RALB: variants seen among roughly 807,000 people sequenced by gnomAD.
The protein encoded by RALB is ras-related protein Ral-B.
Under a neutral mutation model 21.3 loss-of-function variants are expected in RALB, and 16 were observed. That is an observed-to-expected ratio of 0.75 (90% CI 0.51 to 1.14). The LOEUF (loss-of-function observed/expected upper bound fraction) is 1.14, where lower values mean the gene tolerates loss of function less well. RALB is among the 50% of genes most tolerant of loss of function. The pLI is 0.00. For missense variants in RALB, 161 were observed against 256.2 expected (o/e 0.63, Z 2.54); for synonymous variants, 93 against 96.1 (o/e 0.97, Z 0.19).
At chr2:120,258,568 C>G (rs371227383) in intron 1 of RALB, among the ~76,000 whole-genome samples, 1 of 152,146 alleles carries the variant, frequency 6.6e-6, no homozygotes, top group South Asian at 2.1e-4. Context: ...TGTTAGAAGC[C>G]CCATTGGAAG....
At chr2:120,262,643 C>T (rs1689395195) in intron 1 of RALB, among the ~76,000 whole-genome samples, 2 of 152,132 alleles carry the variant, frequency 1.3e-5, no homozygotes, top group African/African-American at 4.8e-5. Flanking sequence ...GGGGAGGTGG[C>T]AGCTTCCTTG....
At chr2:120,292,854 C>T (rs1408701494) in intron 4 of RALB, among the ~76,000 whole-genome samples, 7 of 151,172 alleles carry the variant, frequency 4.6e-5, no homozygotes, top group African/African-American at 1.5e-4. Context: ...TTGGCTTGAG[C>T]AGTTGTGTGA....
chr2:120,293,085 A>G (rs1690345106), intron 4 of RALB, 56 bp from the exon 5 acceptor site: 1 of 1,515,720 alleles, frequency 6.6e-7, no homozygotes, highest in African/African-American at 1.4e-5. Context: ...AAAGAAAAAA[A>G]TCATTAAATG....
chr2:120,254,815 A>G (rs1264133768), intron 1 of RALB, among the ~76,000 whole-genome samples: 1 of 151,970 alleles, frequency 6.6e-6, no homozygotes, highest in Admixed American at 6.6e-5. Context: ...GTAGCTTGGT[A>G]CAGTCTTGCA....
chr2:120,278,439 T>C (rs891119500), intron 1 of RALB, among the ~76,000 whole-genome samples, 179 bp from the exon 2 acceptor site: 3 of 152,330 alleles, frequency 2.0e-5, no homozygotes, highest in African/African-American at 7.2e-5. Flanking sequence ...CCAGCTGTGC[T>C]GGGGTAAGTG....
At chr2:120,253,217 G>A (rs994228356) in intron 1 of RALB, 2 of 341,452 alleles carry the variant, frequency 5.9e-6, no homozygotes, top group African/African-American at 2.2e-5. Context: ...TGAGGAAGTG[G>A]GGGCGGCCTC....
intron 1 of RALB, among the ~76,000 whole-genome samples, chr2:120,241,735 C>A (rs1688898402): frequency 6.7e-6 from 1 of 149,844 alleles, no homozygotes; most frequent in Admixed American, 6.6e-5. Flanking sequence ...TCAAAAAAAA[C>A]AAAAAAACAA....
intron 1 of RALB, among the ~76,000 whole-genome samples, chr2:120,262,898 G>A (rs1269439133): frequency 3.9e-5 from 6 of 152,144 alleles, no homozygotes; most frequent in African/African-American, 1.2e-4. Context: ...TTTGGTACGC[G>A]TTTTCCACGT....
intron 2 of RALB, among the ~76,000 whole-genome samples, chr2:120,279,707 G>A (rs563745084): frequency 1.1e-3 from 161 of 152,202 alleles, no homozygotes; most frequent in Middle Eastern, 0.01. Context: ...TACAGGCAGG[G>A]AGAGTGTTCC....
chr2:120,273,683 C>CGCCGACCTGTAAGA (rs1689722762), intron 1 of RALB, among the ~76,000 whole-genome samples: 1 of 152,208 alleles, frequency 6.6e-6, no homozygotes, highest in African/African-American at 2.4e-5. Context: ...TAAGAGAAGA[C>CGCCGACCTGTAAGA]GCCGACCTGT....
intron 3 of RALB, among the ~76,000 whole-genome samples, chr2:120,288,355 T>G (rs1690221592): frequency 7.1e-6 from 1 of 141,504 alleles, no homozygotes; most frequent in Non-Finnish European, 1.5e-5. Flanking sequence ...TTTTTTTTTG[T>G]TTTTTTTTTT....
chr2:120,244,134 C>T (rs1254096764), intron 1 of RALB, among the ~76,000 whole-genome samples: 2 of 152,176 alleles, frequency 1.3e-5, no homozygotes, highest in African/African-American at 2.4e-5. Context: ...AACCAGATCT[C>T]GTGAAAACTC....
intron 1 of RALB, among the ~76,000 whole-genome samples, chr2:120,276,207 G>C (rs1204920665): frequency 2.6e-5 from 4 of 152,270 alleles, no homozygotes; most frequent in African/African-American, 7.2e-5. Context: ...CTGGCATGCA[G>C]CTGTGCAAGC....
intron 3 of RALB, 116 bp from the exon 4 acceptor site, chr2:120,289,464 A>G: frequency 1.9e-6 from 2 of 1,052,822 alleles, no homozygotes; most frequent in Admixed American, 4.4e-5. Context: ...CCCTAAATCT[A>G]GTGATTTTTT....
rs927455328 is a variant in RALB, at chr2:120,240,293, A to AT, written c.19+177dup. 1.1e-4 allele frequency among the ~76,000 whole-genome samples: 15 copies of AT among 134,024 alleles called. No homozygotes were observed. In the South Asian group the frequency reaches 2.0e-3, roughly 18 times the overall value. The allele number at this position is 134,024 out of a possible 152,430, so 87.9% of individuals were successfully genotyped here. Reference sequence around the variant, plus strand: ...CTGCTACTTTTTTATTTTTATTTTTATTTTTTTTTGAGACAGGGTCTCCCT... The same window carrying AT: ...CTGCTACTTTTTTATTTTTATTTTTATTTTTTTTTTGAGACAGGGTCTCCCT... On this transcript the variant is annotated intron_variant, in intron 1 of 3. Transcript: ENST00000447591.
intron 1 of RALB, among the ~76,000 whole-genome samples, chr2:120,271,103 C>A (rs1689654542): frequency 6.6e-6 from 1 of 152,152 alleles, no homozygotes; most frequent in African/African-American, 2.4e-5. Context: ...TATGATACTG[C>A]AAGGTGGCAT....
chr2:120,270,195 C>T (rs1380646696), intron 1 of RALB, among the ~76,000 whole-genome samples: 1 of 152,072 alleles, frequency 6.6e-6, no homozygotes, highest in Non-Finnish European at 1.5e-5. Context: ...TTATAATTCT[C>T]CTTTGCTTTT....
At chr2:120,247,763 C>A (rs1291049991) in intron 1 of RALB, among the ~76,000 whole-genome samples, 1 of 152,188 alleles carries the variant, frequency 6.6e-6, no homozygotes, top group Non-Finnish European at 1.5e-5. Flanking sequence ...ACGAGGGTTC[C>A]CGCGACGCAT....
intron 1 of RALB, among the ~76,000 whole-genome samples, chr2:120,263,224 A>G (rs1689414625): frequency 6.6e-6 from 1 of 152,182 alleles, no homozygotes; most frequent in African/African-American, 2.4e-5. Context: ...GCTGGAGTGC[A>G]GCGGTGAGAT....
Sources: allele counts gnomAD v4.1 joint callset (sites outside exome capture counted in the v4.1 genomes callset), GRCh38; gene constraint gnomAD v4.1.1; transcripts MANE v1.5; gene names NCBI Gene and HGNC (gene_info 2026-07-23, HGNC 2026-07-21).